AFG2A: variants seen among roughly 807,000 people sequenced by gnomAD.
AFG2A encodes the protein ATPase family gene 2 protein homolog A.
At chr4:123,206,415 A>C in the AFG2A span, among the ~76,000 whole-genome samples, 1 of 152,118 alleles carries the variant, frequency 6.6e-6, no homozygotes, top group Non-Finnish European at 1.5e-5. Flanking sequence ...TATTTACTAG[A>C]TGAAGTGGAT....
chr4:123,194,799 G>C, the AFG2A span, among the ~76,000 whole-genome samples: 1 of 152,026 alleles, frequency 6.6e-6, no homozygotes, highest in Non-Finnish European at 1.5e-5. Flanking sequence ...ACAGTTTCTA[G>C]GTACTTGGGT....
At chr4:122,990,879 A>G in the AFG2A span, among the ~76,000 whole-genome samples, 2 of 152,344 alleles carry the variant, frequency 1.3e-5, no homozygotes, top group South Asian at 2.1e-4. Context: ...GCAAGCCACC[A>G]TGCTGGACCT....
chr4:122,961,480 C>T, the AFG2A span, among the ~76,000 whole-genome samples: 8 of 152,200 alleles, frequency 5.3e-5, no homozygotes, highest in Non-Finnish European at 1.2e-4. Flanking sequence ...AGAGATATGG[C>T]TTGTTTTTGG....
At chr4:123,177,861 C>T in the AFG2A span, among the ~76,000 whole-genome samples, 1 of 152,152 alleles carries the variant, frequency 6.6e-6, no homozygotes, top group African/African-American at 2.4e-5. Flanking sequence ...TCAGCTCATG[C>T]ATTTGTGAAG....
the AFG2A span, among the ~76,000 whole-genome samples, chr4:122,977,076 T>C: frequency 2.0e-5 from 3 of 152,210 alleles, no homozygotes; most frequent in African/African-American, 7.2e-5. Context: ...ATGTTTTAAA[T>C]GCTGTAATCT....
the AFG2A span, among the ~76,000 whole-genome samples, chr4:123,274,757 A>T: frequency 1.3e-5 from 2 of 152,108 alleles, no homozygotes; most frequent in African/African-American, 4.8e-5. Context: ...ATATGAAGGA[A>T]CATGAGGCAA....
At chr4:122,985,072 C>T in the AFG2A span, among the ~76,000 whole-genome samples, 53 of 151,394 alleles carry the variant, frequency 3.5e-4, no homozygotes, top group Admixed American at 1.4e-3. Flanking sequence ...GGTAGAATTC[C>T]GCTGTGAATC....
the AFG2A span, among the ~76,000 whole-genome samples, chr4:122,968,682 A>G: frequency 6.6e-6 from 1 of 152,152 alleles, no homozygotes; most frequent in Non-Finnish European, 1.5e-5. Context: ...ATTTCTGTCT[A>G]TTATTTGTCT....
chr4:123,009,165 C>T, the AFG2A span, among the ~76,000 whole-genome samples: 5 of 152,202 alleles, frequency 3.3e-5, no homozygotes, highest in Non-Finnish European at 7.4e-5. Flanking sequence ...ATGTCCTTTT[C>T]CAGTGGAGTC....
the AFG2A span, chr4:123,255,953 A>G: frequency 5.1e-6 from 8 of 1,583,344 alleles, no homozygotes; most frequent in Non-Finnish European, 6.9e-6. Context: ...TTCCCTAGGT[A>G]TCTTTGAGAT....
chr4:123,125,684 C>G, the AFG2A span, among the ~76,000 whole-genome samples: 2 of 152,152 alleles, frequency 1.3e-5, no homozygotes, highest in Non-Finnish European at 2.9e-5. Context: ...TGACACTTTT[C>G]CCTTCTGCTG....
the AFG2A span, chr4:122,923,360 G>C: frequency 6.2e-7 from 1 of 1,605,992 alleles, no homozygotes; most frequent in Non-Finnish European, 8.5e-7. Context: ...CTGAGGGGCG[G>C]GAGACTCAGT....
chr4:123,029,107 G>T, the AFG2A span, among the ~76,000 whole-genome samples: 1 of 152,188 alleles, frequency 6.6e-6, no homozygotes, highest in Non-Finnish European at 1.5e-5. Flanking sequence ...ATGATCATCT[G>T]TTTTGATATT....
At chr4:123,311,480 AGCCAGG>A in the AFG2A span, among the ~76,000 whole-genome samples, 1 of 152,028 alleles carries the variant, frequency 6.6e-6, no homozygotes, top group African/African-American at 2.4e-5. Context: ...ACAAAAAACT[AGCCAGG>A]CGTGGTGGCA....
the AFG2A span, among the ~76,000 whole-genome samples, chr4:123,231,030 T>G: frequency 2.0e-5 from 3 of 151,992 alleles, no homozygotes; most frequent in African/African-American, 7.2e-5. Flanking sequence ...TTTAGCATAT[T>G]CTTAAGAGCC....
chr4:123,075,191 A>G, the AFG2A span, among the ~76,000 whole-genome samples: 2 of 151,590 alleles, frequency 1.3e-5, no homozygotes, highest in African/African-American at 2.4e-5. Context: ...TGATCCGCCC[A>G]CCTTAGCCTC....
the AFG2A span, among the ~76,000 whole-genome samples, chr4:123,139,151 A>G: frequency 1.3e-5 from 2 of 152,144 alleles, no homozygotes; most frequent in African/African-American, 2.4e-5. Flanking sequence ...CTTGATGCCT[A>G]TGAAACAAAT....
the AFG2A span, chr4:122,935,852 A>G: frequency 6.2e-7 from 1 of 1,601,014 alleles, no homozygotes; most frequent in African/African-American, 1.3e-5. Context: ...AAGTAAGTAC[A>G]TGATTTAATA....
chr4:123,210,902 C>G, the AFG2A span, among the ~76,000 whole-genome samples: 1 of 151,872 alleles, frequency 6.6e-6, no homozygotes. Flanking sequence ...TTGGCTAATA[C>G]AACTTTGGCC....
Sources: gnomAD v4.1 joint callset for allele counts (sites outside exome capture counted in the v4.1 genomes callset) on GRCh38, gnomAD v4.1.1 for gene constraint, MANE v1.5 for transcripts, NCBI Gene and HGNC (gene_info 2026-07-23, HGNC 2026-07-21) for gene names.